STK3: variants seen among roughly 807,000 people sequenced by gnomAD.
STK3 encodes serine/threonine-protein kinase 3.
STK3 carries 41 observed loss-of-function variants against 58.0 expected under a neutral mutation model. The ratio of observed to expected loss-of-function variants is 0.71; its 90% CI spans 0.55 to 0.92. The LOEUF is 0.92. Among genes scored for constraint, STK3 ranks in the 40% least tolerant of loss-of-function variants. STK3 has a pLI of 0.00. For missense variants in STK3, 479 were observed against 602.7 expected (o/e 0.79, Z 2.15); for synonymous variants, 170 against 191.0 (o/e 0.89, Z 0.91).
At chr8:98,899,404 T>A (rs1367436761) in intron 1 of STK3, among the ~76,000 whole-genome samples, 2 of 152,190 alleles carry the variant, frequency 1.3e-5, no homozygotes, top group Non-Finnish European at 2.9e-5. Flanking sequence ...ATCAAAAATA[T>A]CTGGAAAAAA....
intron 7 of STK3, among the ~76,000 whole-genome samples, chr8:98,588,141 A>T (rs1814839690): frequency 6.6e-6 from 1 of 151,658 alleles, no homozygotes; most frequent in Non-Finnish European, 1.5e-5. Flanking sequence ...TCCTGTCATG[A>T]TGATGTTAGC....
intron 6 of STK3, among the ~76,000 whole-genome samples, chr8:98,610,724 C>G (rs1817128874): frequency 1.3e-5 from 2 of 152,190 alleles, no homozygotes; most frequent in South Asian, 4.1e-4. Flanking sequence ...GGAGGGAAAA[C>G]TATGGGCTCT....
intron 10 of STK3, among the ~76,000 whole-genome samples, chr8:98,498,002 T>G (rs1823274816): frequency 6.6e-6 from 1 of 152,194 alleles, no homozygotes; most frequent in Non-Finnish European, 1.5e-5. Context: ...AACAGCATTA[T>G]TCATAATAGT....
At chr8:98,487,029 AT>A (rs1374097591) in intron 10 of STK3, among the ~76,000 whole-genome samples, 1 of 152,182 alleles carries the variant, frequency 6.6e-6, no homozygotes, top group Non-Finnish European at 1.5e-5. Context: ...AAAAATGTTT[AT>A]TTTTTAATCT....
chr8:98,844,886 C>T (rs758875547), intron 3 of STK3, among the ~76,000 whole-genome samples: 10 of 152,218 alleles, frequency 6.6e-5, no homozygotes, highest in Non-Finnish European at 7.3e-5. Flanking sequence ...CACTGGTATA[C>T]AGCTTTGGAG....
At chr8:98,418,394 G>A (rs1436191527) in intron 3 of STK3, among the ~76,000 whole-genome samples, 1 of 152,194 alleles carries the variant, frequency 6.6e-6, no homozygotes, top group Non-Finnish European at 1.5e-5. Context: ...AGAAAACCCA[G>A]AGCCAACTCA....
At chr8:98,834,748 C>T (rs538986991) in intron 3 of STK3, among the ~76,000 whole-genome samples, 6 of 152,148 alleles carry the variant, frequency 3.9e-5, no homozygotes, top group Admixed American at 3.9e-4. Context: ...CCTCCAGATG[C>T]CATCACCTTC....
chr8:98,786,247 G>A (rs1274047561), intron 1 of STK3, among the ~76,000 whole-genome samples: 1 of 152,128 alleles, frequency 6.6e-6, no homozygotes, highest in Non-Finnish European at 1.5e-5. Flanking sequence ...ACTGGACCAA[G>A]CAAAAGAAAG....
chr8:98,516,344 G>T (rs955383743), intron 10 of STK3, among the ~76,000 whole-genome samples: 1 of 151,962 alleles, frequency 6.6e-6, no homozygotes, highest in Non-Finnish European at 1.5e-5. Flanking sequence ...TTTAAAAAAT[G>T]ACAACAAAAA....
chr8:98,657,873 T>C (rs575937034), intron 6 of STK3, among the ~76,000 whole-genome samples: 38 of 152,064 alleles, frequency 2.5e-4, no homozygotes, highest in African/African-American at 8.7e-4. Flanking sequence ...TATGTACCAA[T>C]ACTGTAATGG....
At chr8:98,417,252 T>G (rs1037858846) in intron 3 of STK3, among the ~76,000 whole-genome samples, 1 of 152,150 alleles carries the variant, frequency 6.6e-6, no homozygotes, top group Non-Finnish European at 1.5e-5. Context: ...CGGTGGCTCA[T>G]GCCTGTAATC....
intron 1 of STK3, among the ~76,000 whole-genome samples, chr8:98,440,628 T>G (rs1818656819): frequency 6.6e-6 from 1 of 152,100 alleles, no homozygotes; most frequent in Admixed American, 6.5e-5. Context: ...TACATAAATC[T>G]TCATTAAAAT....
intron 3 of STK3, among the ~76,000 whole-genome samples, chr8:98,876,315 C>T (rs531152656): frequency 2.0e-5 from 3 of 152,142 alleles, no homozygotes; most frequent in Non-Finnish European, 4.4e-5. Context: ...GGGTCAAAGA[C>T]CAAGAGAGAA....
At chr8:98,554,856 T>C (rs941607282) in intron 8 of STK3, among the ~76,000 whole-genome samples, 1 of 152,176 alleles carries the variant, frequency 6.6e-6, no homozygotes, top group Admixed American at 6.5e-5. Flanking sequence ...CATTTGATAC[T>C]TTTTATATTT....
intron 3 of STK3, among the ~76,000 whole-genome samples, chr8:98,874,694 A>G (rs2131883875): frequency 6.6e-6 from 1 of 152,152 alleles, no homozygotes; most frequent in Non-Finnish European, 1.5e-5. Context: ...TGGTGAGATC[A>G]TAGTTCATTG....
intron 1 of STK3, among the ~76,000 whole-genome samples, chr8:98,806,768 T>C (rs1416341561): frequency 6.6e-6 from 1 of 151,984 alleles, no homozygotes; most frequent in South Asian, 2.1e-4. Flanking sequence ...GTAAATAATA[T>C]AGGAAACCAA....
intron 9 of STK3, 53 bp downstream of exon 9, chr8:98,547,916 A>G: frequency 7.0e-7 from 1 of 1,437,422 alleles, no homozygotes; most frequent in Non-Finnish European, 9.2e-7. Context: ...GGTTCCTATA[A>G]AAGTATCCTT....
intron 3 of STK3, among the ~76,000 whole-genome samples, chr8:98,396,337 A>G (rs1270813572): frequency 6.6e-6 from 1 of 152,272 alleles, no homozygotes; most frequent in African/African-American, 2.4e-5. Flanking sequence ...CCTAAGAAGC[A>G]TCCAAAGCAA....
chr8:98,906,444 A>G (rs867578317), intron 1 of STK3: 1 of 152,302 alleles, frequency 6.6e-6, no homozygotes, highest in Non-Finnish European at 1.5e-5. Flanking sequence ...CATGGTCTGC[A>G]GCGCGGCCGC....
Sources: allele counts gnomAD v4.1 joint callset (sites outside exome capture counted in the v4.1 genomes callset), GRCh38; gene constraint gnomAD v4.1.1; transcripts MANE v1.5; gene names NCBI Gene and HGNC (gene_info 2026-07-23, HGNC 2026-07-21).